The following TEAD4 variants were observed in gnomAD, a reference collection of about 807,000 sequenced individuals.
TEAD4 encodes TEA domain transcription factor 4.
TEAD4 carries 36 observed loss-of-function variants against 52.4 expected under a neutral mutation model. That is an observed-to-expected ratio of 0.69 (90% CI 0.53 to 0.91). The LOEUF is 0.91. Among genes scored for constraint, TEAD4 ranks in the 40% least tolerant of loss-of-function variants. The pLI is 0.00. For synonymous variants in TEAD4, 220 were observed against 231.0 expected (o/e 0.95, Z 0.43); for missense variants, 508 against 583.9 (o/e 0.87, Z 1.34).
At chr12:2,978,412 G>A (rs796245338) in intron 2 of TEAD4, among the ~76,000 whole-genome samples, 1 of 138,290 alleles carries the variant, frequency 7.2e-6, no homozygotes, top group Non-Finnish European at 1.6e-5. Context: ...TTTTTGTTTT[G>A]TTTTGTTTTG....
chr12:2,971,485 T>C (rs1425377741), intron 2 of TEAD4, among the ~76,000 whole-genome samples: 1 of 152,060 alleles, frequency 6.6e-6, no homozygotes, highest in Non-Finnish European at 1.5e-5. Context: ...TTTTATCTTA[T>C]TTATTTTTTT....
chr12:2,964,459 CTT>C (rs768389942), intron 2 of TEAD4, among the ~76,000 whole-genome samples: 28 of 140,170 alleles, frequency 2.0e-4, no homozygotes, highest in East Asian at 6.2e-4. Flanking sequence ...TTCTTTCTTT[CTT>C]TTTTTTTTTT....
At chr12:2,984,392 A>T (rs1318643894) in intron 2 of TEAD4, among the ~76,000 whole-genome samples, 1 of 152,250 alleles carries the variant, frequency 6.6e-6, no homozygotes, top group African/African-American at 2.4e-5. Flanking sequence ...CCAGATGTGC[A>T]TCGCTGGAAG....
chr12:3,038,046 A>C lies in TEAD4; in HGVS notation c.976A>C (p.Met326Leu). 6.2e-7 allele frequency: 1 copy of C among 1,614,130 alleles called. No homozygotes were observed. The highest frequency in any genetic ancestry group is 8.5e-7 in the Non-Finnish European group (1 of 1,179,984). The change falls in exon 11 of 13, where the codon ATG (methionine) becomes CTG (leucine). Residue 326 changes from methionine to leucine, a missense_variant. By Grantham distance (15) the Met-to-Leu change is conservative. Coordinates refer to ENST00000359864, the MANE Select transcript of TEAD4 (RefSeq NM_003213.4). ...CAGCCAGTATGAGAGCCCCGAGAAC[A>C]TGATCATCACCTGCTCCACGAAGGT...
intron 2 of TEAD4, among the ~76,000 whole-genome samples, chr12:2,981,795 G>A (rs2098234278): frequency 6.6e-6 from 1 of 152,128 alleles, no homozygotes; most frequent in African/African-American, 2.4e-5. Context: ...GAGGGTAGTG[G>A]GGATGCACCT....
chr12:3,024,943 T>TA lies in TEAD4; in HGVS notation c.897+2927dup, dbSNP rs555671448. On this transcript the variant is annotated intron_variant, in intron 10 of 12. Transcript: ENST00000359864. Reference sequence around the variant, plus strand: ...CTGTTCTGCTCCAGTTTGAACGTGTTATTCTTTTTTTTTTTTTTTGAGACA... The same window carrying TA: ...CTGTTCTGCTCCAGTTTGAACGTGTTAATTCTTTTTTTTTTTTTTTGAGACA... 4.8e-3 allele frequency among the ~76,000 whole-genome samples: 413 copies of TA among 86,596 alleles called. 1 individual carries two copies. The highest frequency in any genetic ancestry group is 4.1e-3 in the Non-Finnish European group (179 of 43,906). 56.8% of individuals were successfully genotyped at this position (86,596 alleles called of 152,430 possible).
At chr12:2,985,569 G>T (rs111792507) in intron 2 of TEAD4, among the ~76,000 whole-genome samples, 1 of 118,140 alleles carries the variant, frequency 8.5e-6, no homozygotes, top group African/African-American at 3.2e-5. Context: ...GTAGTGGCAC[G>T]ATCTCGGCTC....
intron 3 of TEAD4, among the ~76,000 whole-genome samples, chr12:2,997,298 G>T (rs1053673137): frequency 2.0e-5 from 3 of 152,244 alleles, no homozygotes; most frequent in Non-Finnish European, 4.4e-5. Flanking sequence ...CAGAACTCCT[G>T]TGAAGTCCCT....
intron 2 of TEAD4, among the ~76,000 whole-genome samples, chr12:2,989,210 G>A (rs560846411): frequency 1.3e-5 from 2 of 152,244 alleles, no homozygotes; most frequent in South Asian, 4.2e-4. Context: ...CCAAAGTGCT[G>A]AGATTATAGG....
At chr12:2,995,144 G>T in intron 3 of TEAD4, 152 bp downstream of exon 3, 7 of 922,648 alleles carry the variant, frequency 7.6e-6, no homozygotes, top group South Asian at 1.7e-5. Context: ...GCTCCCAAGG[G>T]ATGGGGGCAT....
chr12:3,034,082 T>C (rs1414671681), intron 10 of TEAD4, among the ~76,000 whole-genome samples: 6 of 151,432 alleles, frequency 4.0e-5, no homozygotes, highest in Non-Finnish European at 7.3e-5. Flanking sequence ...ACTTGCATTC[T>C]ATTTGTTCTC....
rs1358183259 is a variant in TEAD4, at chr12:3,033,865, G to C, written c.898-4103G>C. ...GTGTGGGGGGATATGAGGGTGGACA[G>C]GAAATGTCAGGAAGGAGTATAGCTG... is the stretch of plus-strand genomic sequence containing the variant. On this transcript the variant is annotated intron_variant, in intron 10 of 12. Transcript: ENST00000359864. Among the ~76,000 whole-genome samples the C allele has an allele frequency of 2.0e-5, 3 of 151,848 alleles. No individual in the cohort carries two copies. In the East Asian group the frequency reaches 5.8e-4, roughly 29 times the overall value.
chr12:3,037,456 AGAGGATGAGACAG>A (rs1382076485), intron 10 of TEAD4, among the ~76,000 whole-genome samples: 2 of 152,198 alleles, frequency 1.3e-5, no homozygotes, highest in African/African-American at 4.8e-5. Flanking sequence ...TGGCGAGACA[AGAGGATGAGACAG>A]GAGCAGCATT....
intron 2 of TEAD4, among the ~76,000 whole-genome samples, chr12:2,964,831 C>T (rs572622959): frequency 4.3e-4 from 66 of 152,134 alleles, no homozygotes; most frequent in African/African-American, 1.4e-3. Context: ...GTTCTGGAGG[C>T]GGAGGACTCT....
intron 10 of TEAD4, among the ~76,000 whole-genome samples, chr12:3,034,659 T>A (rs1322240247): frequency 6.6e-6 from 1 of 152,186 alleles, no homozygotes; most frequent in Admixed American, 6.5e-5. Context: ...TTGCCCAGGC[T>A]CAGTGGCTCA....
At chr12:2,971,997 G>T (rs1035332466) in intron 2 of TEAD4, among the ~76,000 whole-genome samples, 9 of 151,296 alleles carry the variant, frequency 5.9e-5, no homozygotes, top group African/African-American at 2.2e-4. Flanking sequence ...ATTTTCAGTA[G>T]GGATGGGGTT....
chr12:3,037,843 G>C, intron 10 of TEAD4, 125 bp from the exon 11 acceptor site: 1 of 1,206,418 alleles, frequency 8.3e-7, no homozygotes, highest in Non-Finnish European at 1.1e-6. Flanking sequence ...GCGTCCTACT[G>C]TCTACCCTCA....
Position 3,012,375 on chromosome 12 carries a change from A to G in TEAD4, c.354+143A>G, listed in dbSNP as rs1591584997. The G allele has an allele frequency of 5.9e-6, 5 of 851,986 alleles. No individual in the cohort carries two copies. In the East Asian group the frequency reaches 1.1e-4, roughly 19 times the overall value. 52.8% of individuals were successfully genotyped at this position (851,986 alleles called of 1,614,324 possible). A position where few individuals can be genotyped will look rare whatever the true frequency, so the allele number is the denominator to read the frequency against. On this transcript the variant is annotated intron_variant, in intron 5 of 12. Coordinates refer to ENST00000359864, the MANE Select transcript of TEAD4 (RefSeq NM_003213.4). Reference sequence around the variant, plus strand: ...TGAGGAGAGCCAGGTTGGGCCTGTAACCTCTCTCCCATCCGCACAAGAGGG... The same window carrying G: ...TGAGGAGAGCCAGGTTGGGCCTGTAGCCTCTCTCCCATCCGCACAAGAGGG...
rs2153951670 is a variant in TEAD4 at position 2,959,782 on chromosome 12, A to G, written c.-122-166A>G. On this transcript the variant is annotated intron_variant, in intron 1 of 12. Transcript: ENST00000359864. This position sits in a 1 kb window ranked among gnomAD's most constrained non-coding sequence, Gnocchi z 5.1. Reference sequence around the variant, plus strand: ...ATCCCCGTGTTTTCCCGTCAGTCCCATTCTGGGAAAACTCCTCCCTCCGCG... The same window carrying G: ...ATCCCCGTGTTTTCCCGTCAGTCCCGTTCTGGGAAAACTCCTCCCTCCGCG... The G allele has an allele frequency of 6.7e-6, 1 of 150,272 alleles. No individual in the cohort carries two copies. The highest frequency in any genetic ancestry group is 6.6e-5 in the Admixed American group (1 of 15,192). 9.3% of individuals were successfully genotyped at this position (150,272 alleles called of 1,614,324 possible). A position where few individuals can be genotyped will look rare whatever the true frequency, so the allele number is the denominator to read the frequency against.
Sources: gnomAD v4.1 joint callset for allele counts (sites outside exome capture counted in the v4.1 genomes callset) on GRCh38, gnomAD v4.1.1 for gene constraint, Gnocchi (gnomAD v3.1) non-coding constraint, MANE v1.5 for transcripts, NCBI Gene and HGNC (gene_info 2026-07-23, HGNC 2026-07-21) for gene names.